The following GAREM2 variants were observed in gnomAD, a reference collection of about 807,000 sequenced individuals.
GAREM2 encodes GRB2 associated regulator of MAPK1 subtype 2.
Under a neutral mutation model 55.6 loss-of-function variants are expected in GAREM2, and 30 were observed. The observed-to-expected ratio is 0.54, with a 90% CI of 0.40 to 0.73. GAREM2 has a LOEUF of 0.73. Among genes scored for constraint, GAREM2 ranks in the 30% least tolerant of loss-of-function variants. The probability of loss-of-function intolerance (pLI) is 0.00; values close to 1 mark genes in which losing one functional copy is unlikely to be tolerated. For missense variants in GAREM2, 1,075 were observed against 1,257.7 expected (o/e 0.85, Z 2.20); for synonymous variants, 550 against 569.1 (o/e 0.97, Z 0.48).
rs1363849557 is a variant in GAREM2 at position 26,187,849 on chromosome 2, C to T, written c.2217C>T (p.Pro739=). 1 of 1,440,946 alleles carries T rather than the reference C, an allele frequency of 6.9e-7. No individual in the cohort carries two copies. The allele number at this position is 1,440,946 out of a possible 1,614,324, so 89.3% of individuals were successfully genotyped here. The change falls in exon 6 of 6, where the codon CCC becomes CCT. Residue 739 remains proline (P), a synonymous_variant. Transcript: ENST00000401533. ...GACCCCGCCTTTCACCACTTGGCCC[C>T]TCCAAGGCCTTTGAGCCTGAAGGTT... The part of the protein sequence containing the change: ...GPGPRLSPLG[P]SKAFEPEGLV...
chr2:26,191,560 T>C (rs1163622381), downstream of GAREM2: 1 of 1,613,998 alleles, frequency 6.2e-7, no homozygotes, highest in East Asian at 2.2e-5. Context: ...GATCCCCTCT[T>C]GCAGGCACAT....
At chr2:26,194,006 T>G (rs1489988339), downstream of GAREM2, among the ~76,000 whole-genome samples, 1 of 152,230 alleles carries the variant, frequency 6.6e-6, no homozygotes, top group East Asian at 1.9e-4. Context: ...TAGAGATGAC[T>G]AAATTCTTCA....
chr2:26,185,392 G>A, intron 4 of GAREM2, 116 bp downstream of exon 4: 1 of 1,368,022 alleles, frequency 7.3e-7, no homozygotes, highest in South Asian at 1.6e-5. Flanking sequence ...GCGGGGTGGG[G>A]AAGGGGAGAA....
In GAREM2 at chr2:26,182,837, T is replaced by G. The variant is rs1669097085; in HGVS notation, c.254-130T>G. 3 of 1,172,712 alleles carry G rather than the reference T, an allele frequency of 2.6e-6. No homozygotes were observed. The African/African-American group carries it at 4.6e-5, about 18-fold the overall frequency. The allele number at this position is 1,172,712 out of a possible 1,614,324, so 72.6% of individuals were successfully genotyped here. A position where few individuals can be genotyped will look rare whatever the true frequency, so the allele number is the denominator to read the frequency against. On this transcript the variant is annotated intron_variant, in intron 2 of 5. Coordinates refer to ENST00000401533, the MANE Select transcript of GAREM2 (RefSeq NM_001168241.2). ...AGCCCATGCCAGTGGAAACCTGCCC[T>G]TTGGCCCTCCTGAGTTCCTGAGGGG...
Position 26,185,090 on chromosome 2 carries a change from G to A in GAREM2, c.1242G>A (p.Trp414Ter). The change falls in exon 4 of 6, where the codon TGG (tryptophan) becomes TGA (stop). Residue 414 changes from tryptophan (W) to a stop codon, truncating the protein, a stop_gained. Transcript: ENST00000401533. LOFTEE classifies it high-confidence loss of function. ...ACCAGGAGTACGTGAGCCCCGACTG[G>A]GCAGCCGCGCCCGAGCCCGCCGCGC... Reference protein sequence around the residue: ...EGDQEYVSPDWAAAPEPAAPP... With the variant: ...EGDQEYVSPD 1 of 1,423,994 alleles carries A rather than the reference G, an allele frequency of 7.0e-7. No individual in the cohort carries two copies. 88.2% of individuals were successfully genotyped at this position (1,423,994 alleles called of 1,614,324 possible). A position where few individuals can be genotyped will look rare whatever the true frequency, so the allele number is the denominator to read the frequency against.
rs1203131910 is a variant in GAREM2, at chr2:26,179,679, C to T, written c.253+3195C>T. 1.3e-5 allele frequency among the ~76,000 whole-genome samples: 2 copies of T among 152,086 alleles called. No individual in the cohort carries two copies. Among genetic ancestry groups the T allele is most frequent in the Non-Finnish European group, 1.5e-5 (1 of 68,004 alleles). On this transcript the variant is annotated intron_variant, in intron 2 of 5. Transcript: ENST00000401533. This position sits in a 1 kb window ranked among gnomAD's most constrained non-coding sequence, Gnocchi z 4.7. Reference sequence around the variant, plus strand: ...GGAGAGGAAGCCGCCCCTGGGCTGGCGGGGAGGAAAAGGCTTCCAGGGTCC... The same window carrying T: ...GGAGAGGAAGCCGCCCCTGGGCTGGTGGGGAGGAAAAGGCTTCCAGGGTCC...
chr2:26,187,924 AC>A lies in GAREM2; in HGVS notation c.2295del (p.Glu766ArgfsTer8). 1 of 1,449,884 alleles carries A rather than the reference AC, an allele frequency of 6.9e-7. No individual in the cohort carries two copies. Among genetic ancestry groups the A allele is most frequent in the East Asian group, 2.6e-5 (1 of 39,200 alleles). The allele number at this position is 1,449,884 out of a possible 1,614,324, so 89.8% of individuals were successfully genotyped here. A position where few individuals can be genotyped will look rare whatever the true frequency, so the allele number is the denominator to read the frequency against. The part of the protein sequence containing the change: ...TPLSPAALQG[P>X]EAGGALFLTQ... ...CACTGTCACCAGCTGCTCTGCAGGGACCCGAGGCGGGAGGAGCACTTTTTCT... is the reference window on the plus strand; with the variant it reads ...CACTGTCACCAGCTGCTCTGCAGGGACCGAGGCGGGAGGAGCACTTTTTCT... On this transcript the variant is annotated frameshift_variant, in exon 6 of 6. Transcript: ENST00000401533. LOFTEE classifies it high-confidence loss of function.
chr2:26,185,610 A>G (rs1319043416), intron 4 of GAREM2, among the ~76,000 whole-genome samples: 1 of 152,168 alleles, frequency 6.6e-6, no homozygotes, highest in East Asian at 1.9e-4. Flanking sequence ...TGGCGAAGTA[A>G]GCTTAGAAAT....
At chr2:26,195,764 G>A in the GAREM2 span, among the ~76,000 whole-genome samples, 8 of 152,220 alleles carry the variant, frequency 5.3e-5, no homozygotes, top group South Asian at 1.2e-3. Context: ...TGTAGTACCC[G>A]GACCCAACAA....
At chr2:26,194,697 C>T in the GAREM2 span, 3 of 1,064,828 alleles carry the variant, frequency 2.8e-6, no homozygotes, top group South Asian at 2.5e-5. Context: ...GTCTGAAACA[C>T]TCTACCTTTC....
chr2:26,182,167 G>A, intron 2 of GAREM2: 1 of 1,325,130 alleles, frequency 7.5e-7, no homozygotes, highest in Admixed American at 3.3e-5. Flanking sequence ...AGGTGAGAGA[G>A]CTTACACAGG....
chr2:26,195,146 A>G, the GAREM2 span: 1 of 1,612,772 alleles, frequency 6.2e-7, no homozygotes, highest in African/African-American at 1.3e-5. Context: ...CAGCTGAAGC[A>G]CTGGTGTCTT....
the GAREM2 span, chr2:26,201,226 C>T: frequency 6.2e-7 from 1 of 1,613,666 alleles, no homozygotes; most frequent in Non-Finnish European, 8.5e-7. Context: ...TCGGCCTTTT[C>T]AAAACCTTGG....
Position 26,188,165 on chromosome 2 carries a change from A to C in GAREM2, c.2533A>C (p.Ser845Arg). 1 of 1,550,078 alleles carries C rather than the reference A, an allele frequency of 6.5e-7. No homozygotes were observed. The change falls in exon 6 of 6, where the codon AGT (serine) becomes CGT (arginine). Residue 845 changes from serine to arginine, a missense_variant. By Grantham distance (110) the Ser-to-Arg change is moderately radical. Transcript: ENST00000401533. The part of the protein sequence containing the change: ...RIDGSIFVQL[S>R]EDILADDFHL... ...CGATGGTAGCATCTTTGTGCAGCTC[A>C]GTGAGGACATCCTGGCAGATGACTT...
the GAREM2 span, chr2:26,201,188 G>A: frequency 2.4e-5 from 38 of 1,613,834 alleles, no homozygotes; most frequent in African/African-American, 4.0e-5. Context: ...TAAGACTAAG[G>A]TCCTCAAACA....
At chr2:26,195,472 C>A in the GAREM2 span, among the ~76,000 whole-genome samples, 170 of 152,136 alleles carry the variant, frequency 1.1e-3, no homozygotes, top group Admixed American at 0.01. Context: ...GACATCTGAT[C>A]CTCCCAACAA....
chr2:26,192,473 A>C (rs1415334504), downstream of GAREM2: 4 of 1,028,546 alleles, frequency 3.9e-6, no homozygotes, highest in Middle Eastern at 2.0e-4. Context: ...TCAGGGAGGG[A>C]GTGTTACTAT....
At position 26,184,894 on chromosome 2, in the gene GAREM2, G is replaced by A. The variant is rs1190511354; in HGVS notation, c.1046G>A (p.Arg349His). ...RLVRDSASYC[R>H]ERFDPDEYST... The stretch of plus-strand genomic sequence containing the variant: ...GTGCGCGACAGCGCCTCCTACTGCC[G>A]CGAGCGCTTCGACCCCGACGAGTAC... The change falls in exon 4 of 6, where the codon CGC becomes CAC. Residue 349 changes from arginine (R) to histidine (H), a missense_variant. Around this residue, in one of 6 missense-constraint regions of GAREM2, gnomAD observed 170 missense variants for 220.7 expected, o/e 0.77. Coordinates refer to ENST00000401533, the MANE Select transcript of GAREM2 (RefSeq NM_001168241.2). The A allele has an allele frequency of 3.4e-6, 5 of 1,456,462 alleles. No individual in the cohort carries two copies. Among genetic ancestry groups the A allele is most frequent in the Non-Finnish European group, 3.6e-6 (4 of 1,113,734 alleles). The allele number at this position is 1,456,462 out of a possible 1,614,324, so 90.2% of individuals were successfully genotyped here. A position where few individuals can be genotyped will look rare whatever the true frequency, so the allele number is the denominator to read the frequency against.
rs1478513359 is a variant in GAREM2 at position 26,184,953 on chromosome 2, G to A, written c.1105G>A (p.Ala369Thr). The change falls in exon 4 of 6, where the codon GCC becomes ACC. Residue 369 changes from alanine (A) to threonine (T), a missense_variant. Physicochemically the swap from Ala to Thr is moderately conservative, Grantham distance 58. This residue lies in a region of GAREM2 where 170 missense variants were observed against 220.7 expected (regional missense o/e 0.77). Transcript: ENST00000401533. Reference protein sequence around the residue: ...TAVREAPAELAEDCASPRRAR... With the variant: ...TAVREAPAELTEDCASPRRAR... ...CGTGCGCGAGGCGCCAGCGGAGCTC[G>A]CCGAAGACTGCGCCAGCCCGCGCCG... 7.9e-7 allele frequency: 1 copy of A among 1,261,116 alleles called. No individual in the cohort carries two copies. Among genetic ancestry groups the A allele is most frequent in the Admixed American group, 4.3e-5 (1 of 23,170 alleles). 78.1% of individuals were successfully genotyped at this position (1,261,116 alleles called of 1,614,324 possible). A position where few individuals can be genotyped will look rare whatever the true frequency, so the allele number is the denominator to read the frequency against.
Sources: gnomAD v4.1 joint callset for allele counts (sites outside exome capture counted in the v4.1 genomes callset) on GRCh38, gnomAD v4.1.1 for gene constraint, gnomAD v4.1.1 regional missense constraint, Gnocchi (gnomAD v3.1) non-coding constraint, MANE v1.5 for transcripts, NCBI Gene and HGNC (gene_info 2026-07-23, HGNC 2026-07-21) for gene names.